The following SUGCT variants were observed in gnomAD, a reference collection of about 807,000 sequenced individuals.
The protein encoded by SUGCT is succinyl-CoA:glutarate CoA-transferase.
SUGCT carries 41 observed loss-of-function variants against 55.0 expected under a neutral mutation model. That is an observed-to-expected ratio of 0.74 (90% CI 0.58 to 0.97). The LOEUF is 0.97. Ranked by LOEUF, SUGCT falls within the 50% of genes least tolerant of loss-of-function variation. The probability of loss-of-function intolerance (pLI) is 0.00; values close to 1 mark genes in which losing one functional copy is unlikely to be tolerated. For missense variants in SUGCT, 568 were observed against 547.8 expected, an observed-to-expected ratio of 1.04 and a Z score of -0.37; for synonymous variants, 187 against 200.4, an observed-to-expected ratio of 0.93 and a Z score of 0.56.
At chr7:40,872,347 A>T in the SUGCT span, among the ~76,000 whole-genome samples, 1 of 152,098 alleles carries the variant, frequency 6.6e-6, no homozygotes, top group Non-Finnish European at 1.5e-5. Flanking sequence ...TCTTGTTCTG[A>T]CTTCTTGTGA....
chr7:40,367,086 TA>T (rs1172009729), intron 9 of SUGCT, among the ~76,000 whole-genome samples: 9 of 152,076 alleles, frequency 5.9e-5, no homozygotes, highest in Admixed American at 3.3e-4. Context: ...TATGCAGCCA[TA>T]AAAAATGATG....
chr7:40,414,712 G>A (rs1461416723), intron 9 of SUGCT, among the ~76,000 whole-genome samples: 1 of 151,972 alleles, frequency 6.6e-6, no homozygotes, highest in Non-Finnish European at 1.5e-5. Context: ...TTCGAGACCA[G>A]CCTTGTCAAC....
chr7:40,513,783 ATTTTTTT>A lies in SUGCT; in HGVS notation c.1089+17414_1089+17420del, dbSNP rs869065628. The stretch of plus-strand genomic sequence containing the variant: ...GTGTGATCTTTAAGCTCAGGGAAGT[ATTTTTTT>A]TTTTTTTTTTTTTTTTGGAGACAGA... On this transcript the variant is annotated intron_variant, in intron 12 of 13. Coordinates refer to ENST00000335693, the MANE Select transcript of SUGCT (RefSeq NM_001193313.2). 6.7e-4 allele frequency among the ~76,000 whole-genome samples: 70 copies of A among 103,976 alleles called. No individual in the cohort carries two copies. The East Asian group carries it at 0.014, about 20-fold the overall frequency. The allele number at this position is 103,976 out of a possible 152,430, so 68.2% of individuals were successfully genotyped here. A position where few individuals can be genotyped will look rare whatever the true frequency, so the allele number is the denominator to read the frequency against.
intron 8 of SUGCT, among the ~76,000 whole-genome samples, chr7:40,290,188 G>C (rs867832356): frequency 1.3e-5 from 2 of 151,978 alleles, no homozygotes; most frequent in African/African-American, 4.8e-5. Context: ...AAAAGAGCCC[G>C]CATCGCCAAG....
the SUGCT span, among the ~76,000 whole-genome samples, chr7:40,883,374 T>C: frequency 1.3e-5 from 2 of 152,182 alleles, no homozygotes; most frequent in South Asian, 2.1e-4. Context: ...AACAATTAAA[T>C]TGGGACTCTT....
chr7:40,541,741 GTAAATA>G (rs1794694409), intron 12 of SUGCT, among the ~76,000 whole-genome samples: 1 of 152,198 alleles, frequency 6.6e-6, no homozygotes, highest in South Asian at 2.1e-4. Flanking sequence ...ACAAAGGAAT[GTAAATA>G]TAACAGAGGG....
At chr7:40,962,565 T>TCA in the SUGCT span, among the ~76,000 whole-genome samples, 1,988 of 136,072 alleles carry the variant, frequency 0.015, 17 homozygotes, top group Middle Eastern at 0.018. Flanking sequence ...CAAAGGTAAA[T>TCA]CACACACACA....
intron 12 of SUGCT, among the ~76,000 whole-genome samples, chr7:40,667,487 C>T (rs1051358553): frequency 1.3e-5 from 2 of 151,334 alleles, no homozygotes; most frequent in Non-Finnish European, 2.9e-5. Context: ...AGTCTCTCCT[C>T]GGTTTTCTGG....
At chr7:40,967,391 T>C in the SUGCT span, 1 of 152,200 alleles carries the variant, frequency 6.6e-6, no homozygotes, top group Non-Finnish European at 1.5e-5. Context: ...CTCCGTTTAA[T>C]AAGACAAGTA....
At chr7:40,549,639 A>C (rs926486409) in intron 12 of SUGCT, among the ~76,000 whole-genome samples, 3 of 152,234 alleles carry the variant, frequency 2.0e-5, no homozygotes, top group Non-Finnish European at 4.4e-5. Context: ...GCCCAAGGAA[A>C]GATTCATTGA....
At chr7:40,968,554 A>G in the SUGCT span, among the ~76,000 whole-genome samples, 1 of 152,250 alleles carries the variant, frequency 6.6e-6, no homozygotes, top group Non-Finnish European at 1.5e-5. Context: ...AACTGTGATC[A>G]GCCACCTCCA....
At chr7:40,994,974 C>T in the SUGCT span, among the ~76,000 whole-genome samples, 9 of 152,162 alleles carry the variant, frequency 5.9e-5, no homozygotes, top group South Asian at 2.1e-4. Flanking sequence ...GTACAGCCTG[C>T]GGAACTGTGA....
intron 1 of SUGCT, among the ~76,000 whole-genome samples, chr7:40,177,213 A>G: frequency 6.6e-6 from 1 of 152,136 alleles, no homozygotes; most frequent in East Asian, 1.9e-4. Flanking sequence ...GGTATGCTTC[A>G]ATAACAGTTG....
At chr7:40,358,510 C>G (rs1583501181) in intron 9 of SUGCT, among the ~76,000 whole-genome samples, 1 of 152,080 alleles carries the variant, frequency 6.6e-6, no homozygotes, top group Admixed American at 6.5e-5. Context: ...GTCAGGAGTT[C>G]GAGCCTAGCC....
Position 40,198,046 on chromosome 7 carries a change from A to G in SUGCT, c.484+2986A>G, listed in dbSNP as rs1269845469. On this transcript the variant is annotated intron_variant, in intron 6 of 13. Coordinates refer to ENST00000335693, the MANE Select transcript of SUGCT (RefSeq NM_001193313.2). ...TATATAATTCAGTAGTTCTCAGACA[A>G]GGAAGAATGGTTCTATCATGTGCTT... is the stretch of plus-strand genomic sequence containing the variant. Among the ~76,000 whole-genome samples, 9 of 152,208 alleles carry G rather than the reference A, an allele frequency of 5.9e-5. No individual in the cohort carries two copies. In the East Asian group the frequency reaches 1.7e-3, roughly 29 times the overall value.
At chr7:40,511,855 G>A (rs1792949937) in intron 12 of SUGCT, among the ~76,000 whole-genome samples, 1 of 152,102 alleles carries the variant, frequency 6.6e-6, no homozygotes, top group African/African-American at 2.4e-5. Context: ...ATGAAAGAAT[G>A]AGTAGTATAA....
chr7:40,168,877 T>C (rs1262538467), intron 1 of SUGCT, among the ~76,000 whole-genome samples: 3 of 152,184 alleles, frequency 2.0e-5, no homozygotes, highest in African/African-American at 7.2e-5. Context: ...GCATTTCTAA[T>C]GGATGGTCCC....
chr7:40,151,542 A>G (rs1040937995), intron 1 of SUGCT: 4 of 203,236 alleles, frequency 2.0e-5, no homozygotes, highest in Non-Finnish European at 3.2e-5. Context: ...GATATTTCCA[A>G]GATCTCTCCT....
chr7:40,782,648 C>A (rs1789814953), intron 13 of SUGCT: 1 of 152,092 alleles, frequency 6.6e-6, no homozygotes, highest in Non-Finnish European at 1.5e-5. Context: ...CACATGCATC[C>A]TTTGAGCCTA....
Sources: gnomAD v4.1 joint callset for allele counts (sites outside exome capture counted in the v4.1 genomes callset) on GRCh38, gnomAD v4.1.1 for gene constraint, MANE v1.5 for transcripts, NCBI Gene and HGNC (gene_info 2026-07-23, HGNC 2026-07-21) for gene names.